The following ADAMTS6 variants were observed in gnomAD, a reference collection of about 807,000 sequenced individuals.
The protein encoded by ADAMTS6 is ADAM metallopeptidase with thrombospondin type 1 motif 6.
ADAMTS6 carries 23 observed loss-of-function variants against 144.3 expected under a neutral mutation model. The ratio of observed to expected loss-of-function variants is 0.16; its 90% CI spans 0.11 to 0.23. The LOEUF (loss-of-function observed/expected upper bound fraction) is 0.23, where lower values mean the gene tolerates loss of function less well. ADAMTS6 is among the 10% of genes least tolerant of loss of function. The pLI is 1.00. For missense variants in ADAMTS6, 999 were observed against 1,379.6 expected, an observed-to-expected ratio of 0.72 and a Z score of 4.37; for synonymous variants, 444 against 457.5, an observed-to-expected ratio of 0.97 and a Z score of 0.38.
At chr5:65,391,419 TACACACACACACACACAC>T (rs34581260) in intron 7 of ADAMTS6, among the ~76,000 whole-genome samples, 5 of 148,602 alleles carry the variant, frequency 3.4e-5, no homozygotes, top group African/African-American at 1.2e-4. Flanking sequence ...TGTGTCTCTC[TACACACACACACACACAC>T]ACACACACAC....
At chr5:65,478,501 T>C (rs1048178731) in intron 1 of ADAMTS6, among the ~76,000 whole-genome samples, 2 of 152,242 alleles carry the variant, frequency 1.3e-5, no homozygotes, top group Non-Finnish European at 2.9e-5. Flanking sequence ...TTGATGTCTA[T>C]CTCACAAAGA....
At chr5:65,374,038 T>G (rs372989996) in intron 7 of ADAMTS6, among the ~76,000 whole-genome samples, 205 of 152,188 alleles carry the variant, frequency 1.3e-3, no homozygotes, top group African/African-American at 4.4e-3. Context: ...TGCAGAAAAG[T>G]CCTTTGACAA....
At chr5:65,335,716 A>T (rs1580427773) in intron 7 of ADAMTS6, among the ~76,000 whole-genome samples, 1 of 152,318 alleles carries the variant, frequency 6.6e-6, no homozygotes, top group East Asian at 1.9e-4. Context: ...CAAGTGATAT[A>T]TTACAGAAAA....
chr5:65,403,079 A>C (rs1754080015), intron 7 of ADAMTS6, among the ~76,000 whole-genome samples: 1 of 152,078 alleles, frequency 6.6e-6, no homozygotes, highest in Admixed American at 6.6e-5. Flanking sequence ...ATGAATTTTA[A>C]GGCCTCATTT....
At chr5:65,247,941 C>G (rs892619571) in intron 14 of ADAMTS6, among the ~76,000 whole-genome samples, 1 of 152,142 alleles carries the variant, frequency 6.6e-6, no homozygotes, top group African/African-American at 2.4e-5. Context: ...TAGTAGATTG[C>G]CCCCTGTTTG....
chr5:65,296,090 A>G (rs1250551628), intron 10 of ADAMTS6, among the ~76,000 whole-genome samples: 3 of 152,154 alleles, frequency 2.0e-5, no homozygotes, highest in African/African-American at 4.8e-5. Flanking sequence ...ATTTTAGTCT[A>G]CAATACAGTG....
rs780850470 is a variant in ADAMTS6, at chr5:65,172,974, C to T, written c.2945G>A (p.Arg982Gln). 14 of 1,613,926 alleles carry T rather than the reference C, an allele frequency of 8.7e-6. No individual in the cohort carries two copies. The highest frequency in any genetic ancestry group is 3.3e-5 in the Admixed American group (2 of 59,982). ...GTCACTGCTCTTGCACAGAACAATC[C>T]GATGCTTGAATCCTGGACCACATTT... Reference protein sequence around the residue: ...TPKCGPGFKHRIVLCKSSDLS... With the variant: ...TPKCGPGFKHQIVLCKSSDLS... The change falls in exon 23 of 25, where the codon CGG (arginine) becomes CAG (glutamine). Residue 982 changes from arginine to glutamine, a missense_variant. Transcript: ENST00000381055.
intron 7 of ADAMTS6, among the ~76,000 whole-genome samples, chr5:65,385,307 A>G (rs1021212162): frequency 6.6e-6 from 1 of 152,242 alleles, no homozygotes; most frequent in African/African-American, 2.4e-5. Context: ...TTTTTTATTC[A>G]CAAATGTAGA....
At chr5:65,349,907 G>C (rs182388809) in intron 7 of ADAMTS6, among the ~76,000 whole-genome samples, 2 of 151,310 alleles carry the variant, frequency 1.3e-5, no homozygotes, top group Admixed American at 1.3e-4. Context: ...TGATTTAATG[G>C]AGCAGCACAC....
chr5:65,200,273 T>A (rs1426139376), intron 20 of ADAMTS6, among the ~76,000 whole-genome samples: 3 of 152,206 alleles, frequency 2.0e-5, no homozygotes, highest in African/African-American at 7.2e-5. Context: ...AATGGATTTT[T>A]AAACACATAC....
intron 10 of ADAMTS6, chr5:65,296,991 C>A: frequency 9.3e-6 from 2 of 215,844 alleles, no homozygotes; most frequent in South Asian, 6.0e-5. Context: ...TCTTCCACTG[C>A]CTGGTAAATT....
At chr5:65,348,951 G>A (rs6889432) in intron 7 of ADAMTS6, among the ~76,000 whole-genome samples, 86,896 of 151,740 alleles carry the variant, frequency 0.57, 26,296 homozygotes, top group African/African-American at 0.78. Context: ...CTTGTAATAT[G>A]AAGACGGTTT....
intron 14 of ADAMTS6, among the ~76,000 whole-genome samples, chr5:65,249,442 T>G (rs1441408023): frequency 6.6e-6 from 1 of 152,032 alleles, no homozygotes; most frequent in Non-Finnish European, 1.5e-5. Flanking sequence ...GGAAGAATCA[T>G]GAGAAAGGGG....
intron 7 of ADAMTS6, among the ~76,000 whole-genome samples, chr5:65,404,774 GT>G (rs1754291591): frequency 1.3e-5 from 2 of 152,276 alleles, no homozygotes; most frequent in South Asian, 4.1e-4. Flanking sequence ...AGTGTAAAGT[GT>G]TCCTATTTCT....
chr5:65,428,206 A>G (rs1756712501), intron 7 of ADAMTS6, among the ~76,000 whole-genome samples: 1 of 149,034 alleles, frequency 6.7e-6, no homozygotes, highest in South Asian at 2.2e-4. Flanking sequence ...AGCCTGCGCA[A>G]CAGAGTGAGA....
intron 9 of ADAMTS6, among the ~76,000 whole-genome samples, chr5:65,322,863 C>T (rs532898442): frequency 3.4e-4 from 51 of 152,178 alleles, no homozygotes; most frequent in South Asian, 2.3e-3. Context: ...TATTCGAATG[C>T]CGTTTATTTC....
chr5:65,462,460 T>C (rs1759699026), intron 3 of ADAMTS6, among the ~76,000 whole-genome samples: 1 of 152,202 alleles, frequency 6.6e-6, no homozygotes. Context: ...ATTTTATATG[T>C]TAGGTACTTT....
chr5:65,282,171 C>G (rs1763037090), intron 11 of ADAMTS6, among the ~76,000 whole-genome samples: 1 of 152,068 alleles, frequency 6.6e-6, no homozygotes, highest in Non-Finnish European at 1.5e-5. Context: ...TCATCAATGG[C>G]CCATGACATG....
Position 65,468,647 on chromosome 5 carries a change from C to T in ADAMTS6, c.462+2131G>A, listed in dbSNP as rs115372695. Among the ~76,000 whole-genome samples, 357 of 152,076 alleles carry T rather than the reference C, an allele frequency of 2.3e-3. 2 individuals carry two copies. The highest frequency in any genetic ancestry group is 7.5e-3 in the African/African-American group (311 of 41,478). On this transcript the variant is annotated intron_variant, in intron 3 of 24. Coordinates refer to ENST00000381055, the MANE Select transcript of ADAMTS6 (RefSeq NM_197941.4). ...CGGACCATACAGTGTCAATAAGAGA[C>T]GAAGTAAAATAGGTGTTAACAGAGG...
Sources: gnomAD v4.1 joint callset for allele counts (sites outside exome capture counted in the v4.1 genomes callset) on GRCh38, gnomAD v4.1.1 for gene constraint, MANE v1.5 for transcripts, NCBI Gene and HGNC (gene_info 2026-07-23, HGNC 2026-07-21) for gene names.